Variants in JRK observed in about 807,000 individuals in gnomAD.
JRK encodes the protein Jrk helix-turn-helix protein.
For missense variants in JRK, 720 were observed against 509.2 expected, an observed-to-expected ratio of 1.41 and a Z score of -3.98; for synonymous variants, 303 against 218.1, an observed-to-expected ratio of 1.39 and a Z score of -3.43.
downstream of JRK, among the ~76,000 whole-genome samples, chr8:142,653,370 T>C (rs890858390): frequency 9.9e-5 from 15 of 152,068 alleles, no homozygotes; most frequent in Admixed American, 1.3e-4. Flanking sequence ...GAACCTAGGA[T>C]TGGACTTTTA....
Position 142,664,703 on chromosome 8 carries a change from G to C in JRK, c.1356C>G (p.Pro452=), listed in dbSNP as rs892215511. ...CCTCTGCTGGCGACGTGGCAGCAGG[G>C]GGCCGTCCCCCTTCTGCCTCCCTTC... The part of the protein sequence containing the change: ...VAGREAEGGR[P]PAATSPAEVV... Residue 452 remains proline, a synonymous_variant, in exon 2 of 2, where the codon CCC becomes CCG. Transcript: ENST00000612905. 1.2e-6 allele frequency: 2 copies of C among 1,607,930 alleles called. No homozygotes were observed. The highest frequency in any genetic ancestry group is 1.7e-4 in the Middle Eastern group (1 of 6,060).
chr8:142,664,362 C>T lies in JRK; in HGVS notation c.1697G>A (p.Gly566Asp). Residue 566 changes from glycine to aspartate, a missense_variant, in exon 2 of 2, where the codon GGT (glycine) becomes GAT (aspartate). Physicochemically the swap from Gly to Asp is moderately conservative, Grantham distance 94. Transcript: ENST00000612905. The stretch of plus-strand genomic sequence containing the variant: ...AGGGCAGAGAAGCCATCAGTTGTCA[C>T]CTGCTGTGGATGAGCAGGGCAAGGG... ...QSPLPCSSTA[G>D]DN 1 of 1,561,940 alleles carries T rather than the reference C, an allele frequency of 6.4e-7. No individual in the cohort carries two copies. The highest frequency in any genetic ancestry group is 1.4e-5 in the African/African-American group (1 of 73,886).
chr8:142,650,562 T>C, the JRK span, among the ~76,000 whole-genome samples: 1 of 152,196 alleles, frequency 6.6e-6, no homozygotes, highest in South Asian at 2.1e-4. Flanking sequence ...TCTGCAGAGA[T>C]CTGATGGTTT....
chr8:142,663,537 A>G lies in JRK; in HGVS notation c.*815T>C, dbSNP rs1846984918. 1.0e-6 allele frequency: 1 copy of G among 985,378 alleles called. No homozygotes were observed. The highest frequency in any genetic ancestry group is 1.2e-6 in the Non-Finnish European group (1 of 829,956). 61.0% of individuals were successfully genotyped at this position (985,378 alleles called of 1,614,324 possible). A position where few individuals can be genotyped will look rare whatever the true frequency, so the allele number is the denominator to read the frequency against. On this transcript the variant is annotated 3_prime_UTR_variant, in exon 2 of 2. Transcript: ENST00000612905. ...CCATAAGTATGAAATTCTGGGCAAC[A>G]TGGTACATTGGACTCTGAGCCAAAA...
chr8:142,664,772 C>CG lies in JRK; in HGVS notation c.1286dup (p.Gln431ProfsTer42). 1 of 1,589,298 alleles carries CG rather than the reference C, an allele frequency of 6.3e-7. No homozygotes were observed. The highest frequency in any genetic ancestry group is 8.6e-7 in the Non-Finnish European group (1 of 1,168,662). On this transcript the variant is annotated frameshift_variant, in exon 2 of 2. Coordinates refer to ENST00000612905, the MANE Select transcript of JRK (RefSeq NM_003724.4). LOFTEE classifies it low-confidence loss of function (END_TRUNC). Reference sequence around the variant, plus strand: ...CGGCCTGGCGCTGGCGAAGCTGGCCCGGGCAGGAGGAGCCTTCCTTCACAA... The same window carrying CG: ...CGGCCTGGCGCTGGCGAAGCTGGCCCGGGGCAGGAGGAGCCTTCCTTCACAA...
In JRK at chr8:142,659,099, A is replaced by G. The variant is rs1846833326; in HGVS notation, c.*5253T>C. The G allele has an allele frequency of 7.2e-7, 1 of 1,379,764 alleles. No homozygotes were observed. Among genetic ancestry groups the G allele is most frequent in the African/African-American group, 1.5e-5 (1 of 68,466 alleles). The allele number at this position is 1,379,764 out of a possible 1,614,324, so 85.5% of individuals were successfully genotyped here. ...AGAACTGACAGCCCATCAAGGTACA[A>G]TGAAATAGAAAAAAGGCTGGCCAGG... On this transcript the variant is annotated 3_prime_UTR_variant, in exon 2 of 2. Coordinates refer to ENST00000612905, the MANE Select transcript of JRK (RefSeq NM_003724.4).
intron 1 of JRK, among the ~76,000 whole-genome samples, chr8:142,667,432 GACACACACACACACACACACACACAC>G (rs59385009): frequency 3.0e-4 from 44 of 146,836 alleles, no homozygotes; most frequent in Middle Eastern, 3.2e-3. Context: ...CGGACACGGA[GACACACACACACACACACACACACAC>G]ACACACACAC....
chr8:142,667,392 G>C (rs371582785), intron 1 of JRK, among the ~76,000 whole-genome samples: 2 of 151,418 alleles, frequency 1.3e-5, no homozygotes, highest in South Asian at 4.2e-4. Flanking sequence ...CCACAACCAC[G>C]GCAGGGCCGC....
Position 142,659,887 on chromosome 8 carries a change from C to A in JRK, c.*4465G>T, listed in dbSNP as rs982671613. On this transcript the variant is annotated 3_prime_UTR_variant, in exon 2 of 2. Coordinates refer to ENST00000612905, the MANE Select transcript of JRK (RefSeq NM_003724.4). The stretch of plus-strand genomic sequence containing the variant: ...CAGTCTCATCCCTAAACAGGAGTGA[C>A]CCCACCTCATTTCATGTCATCATCA... 8.1e-5 allele frequency: 80 copies of A among 985,470 alleles called. No individual in the cohort carries two copies. The highest frequency in any genetic ancestry group is 9.5e-5 in the Non-Finnish European group (79 of 830,030). 61.0% of individuals were successfully genotyped at this position (985,470 alleles called of 1,614,324 possible).
Position 142,665,941 on chromosome 8 carries a change from C to T in JRK, c.118G>A (p.Ala40Thr), listed in dbSNP as rs1847112864. Residue 40 changes from alanine to threonine, a missense_variant, in exon 2 of 2, where the codon GCA (alanine) becomes ACA (threonine). Coordinates refer to ENST00000612905, the MANE Select transcript of JRK (RefSeq NM_003724.4). ...CCCACATTGTACTCCTGCATCAGTG[C>T]CTTCCGGCTCTCGCCCTTCTCCAGG... ...TRLEKGESRK[A>T]LMQEYNVGMS... The T allele has an allele frequency of 1.2e-6, 1 of 862,638 alleles. No homozygotes were observed. The highest frequency in any genetic ancestry group is 1.7e-5 in the Admixed American group (1 of 59,048). 53.4% of individuals were successfully genotyped at this position (862,638 alleles called of 1,614,324 possible). A position where few individuals can be genotyped will look rare whatever the true frequency, so the allele number is the denominator to read the frequency against.
downstream of JRK, among the ~76,000 whole-genome samples, chr8:142,655,671 A>T (rs1278975775): frequency 6.6e-6 from 1 of 152,150 alleles, no homozygotes; most frequent in Admixed American, 6.5e-5. Context: ...TACAATGGGG[A>T]TGGCACTAGT....
the JRK span, among the ~76,000 whole-genome samples, chr8:142,648,715 C>T: frequency 3.3e-5 from 5 of 152,344 alleles, no homozygotes; most frequent in South Asian, 1.0e-3. Flanking sequence ...GGTCAGAGCC[C>T]CCATGCAGAG....
chr8:142,660,350 C>A lies in JRK; in HGVS notation c.*4002G>T. On this transcript the variant is annotated 3_prime_UTR_variant, in exon 2 of 2. Coordinates refer to ENST00000612905, the MANE Select transcript of JRK (RefSeq NM_003724.4). ...TGACTGTCCACATCCTGACCCCTAC[C>A]TACCTCATGACCTCCCCGACCCTGA... The A allele has an allele frequency of 2.0e-6, 2 of 985,550 alleles. No individual in the cohort carries two copies. Among genetic ancestry groups the A allele is most frequent in the Non-Finnish European group, 2.4e-6 (2 of 829,998 alleles). The allele number at this position is 985,550 out of a possible 1,614,324, so 61.1% of individuals were successfully genotyped here.
In JRK at chr8:142,661,239, C is replaced by A. The variant is rs1285711298; in HGVS notation, c.*3113G>T. On this transcript the variant is annotated 3_prime_UTR_variant, in exon 2 of 2. Transcript: ENST00000612905. ...TCGCAGAAGGCCAGGCTGGCACAGGCAGGACAGGTGTTCTGTAAACCAACC... is the reference window on the plus strand; with the variant it reads ...TCGCAGAAGGCCAGGCTGGCACAGGAAGGACAGGTGTTCTGTAAACCAACC... 1.0e-6 allele frequency: 1 copy of A among 985,460 alleles called. No individual in the cohort carries two copies. The highest frequency in any genetic ancestry group is 6.1e-5 in the Admixed American group (1 of 16,270). The allele number at this position is 985,460 out of a possible 1,614,324, so 61.0% of individuals were successfully genotyped here.
chr8:142,668,500 G>C (rs1252009159), intron 1 of JRK, among the ~76,000 whole-genome samples: 1 of 151,354 alleles, frequency 6.6e-6, no homozygotes, highest in Non-Finnish European at 1.5e-5. Flanking sequence ...GGAAGGCAAG[G>C]CCACAAACCA....
chr8:142,649,113 A>C, the JRK span, among the ~76,000 whole-genome samples: 1 of 152,270 alleles, frequency 6.6e-6, no homozygotes, highest in East Asian at 1.9e-4. Flanking sequence ...GGAAGTAACT[A>C]ACTTGCTTTT....
Position 142,660,826 on chromosome 8 carries a change from C to T in JRK, c.*3526G>A. The T allele has an allele frequency of 1.0e-6, 1 of 985,616 alleles. No individual in the cohort carries two copies. Among genetic ancestry groups the T allele is most frequent in the Non-Finnish European group, 1.2e-6 (1 of 830,100 alleles). The allele number at this position is 985,616 out of a possible 1,614,324, so 61.1% of individuals were successfully genotyped here. On this transcript the variant is annotated 3_prime_UTR_variant, in exon 2 of 2. Coordinates refer to ENST00000612905, the MANE Select transcript of JRK (RefSeq NM_003724.4). ...GCCTCCCAAGAATGGATGCAGTCTA[C>T]ACCTTCTGCAAACCCCTGCCTCAAA...
Position 142,663,567 on chromosome 8 carries a change from A to T in JRK, c.*785T>A, listed in dbSNP as rs1043726279. ...ACATTGGACTCTGAGCCAAAATGCC[A>T]AAATACCACACAGGGTCCGTGTCCT... On this transcript the variant is annotated 3_prime_UTR_variant, in exon 2 of 2. Transcript: ENST00000612905. 5.0e-5 allele frequency: 49 copies of T among 985,380 alleles called. No individual in the cohort carries two copies. The highest frequency in any genetic ancestry group is 5.7e-5 in the Non-Finnish European group (47 of 829,952). 61.0% of individuals were successfully genotyped at this position (985,380 alleles called of 1,614,324 possible).
Position 142,664,909 on chromosome 8 carries a change from T to C in JRK, c.1150A>G (p.Lys384Glu). The change falls in exon 2 of 2, where the codon AAG (lysine) becomes GAG (glutamate). Residue 384 changes from lysine (K) to glutamate (E), a missense_variant. By Grantham distance (56) the Lys-to-Glu change is moderately conservative. Coordinates refer to ENST00000612905, the MANE Select transcript of JRK (RefSeq NM_003724.4). Reference protein sequence around the residue: ...PSHVFRRAWRKLWPSVAFAEG... With the variant: ...PSHVFRRAWRELWPSVAFAEG... The stretch of plus-strand genomic sequence containing the variant: ...GCAAACGCAACCGACGGCCACAGCT[T>C]CCTCCAGGCCCGCCTGAAGACGTGG... The C allele has an allele frequency of 9.7e-7, 1 of 1,034,374 alleles. No individual in the cohort carries two copies. Among genetic ancestry groups the C allele is most frequent in the Non-Finnish European group, 1.5e-6 (1 of 655,350 alleles). The allele number at this position is 1,034,374 out of a possible 1,614,324, so 64.1% of individuals were successfully genotyped here.
Sources: gnomAD v4.1 joint callset for allele counts (sites outside exome capture counted in the v4.1 genomes callset) on GRCh38, gnomAD v4.1.1 for gene constraint, MANE v1.5 for transcripts, NCBI Gene and HGNC (gene_info 2026-07-23, HGNC 2026-07-21) for gene names.